The following ADGRL3 variants were observed in gnomAD, a reference collection of about 807,000 sequenced individuals.
ADGRL3 encodes adhesion G protein-coupled receptor L3, also known as calcium-independent alpha-latrotoxin receptor 3.
A neutral mutation model predicts 153.5 loss-of-function variants in ADGRL3; 62 were observed. The ratio of observed to expected loss-of-function variants is 0.40; its 90% CI spans 0.33 to 0.50. The LOEUF (loss-of-function observed/expected upper bound fraction) is 0.50, where lower values mean the gene tolerates loss of function less well. ADGRL3 is among the 20% of genes least tolerant of loss of function. The pLI, the probability that ADGRL3 is intolerant of heterozygous loss-of-function variation, is 0.47. For synonymous variants in ADGRL3, 710 were observed against 672.5 expected, an observed-to-expected ratio of 1.06 and a Z score of -0.86; for missense variants, 1,641 against 1,859.4, an observed-to-expected ratio of 0.88 and a Z score of 2.16.
chr4:61,350,667 A>G (rs1472787690), intron 1 of ADGRL3, among the ~76,000 whole-genome samples: 1 of 152,082 alleles, frequency 6.6e-6, no homozygotes, highest in Non-Finnish European at 1.5e-5. Context: ...CTTTAAAATT[A>G]TTATATCTAT....
At chr4:61,222,251 T>A (rs756668067) in intron 1 of ADGRL3, among the ~76,000 whole-genome samples, 6 of 152,138 alleles carry the variant, frequency 3.9e-5, no homozygotes, top group Non-Finnish European at 7.4e-5. Context: ...TACCTTTCTT[T>A]TAAATCTGTT....
intron 1 of ADGRL3, among the ~76,000 whole-genome samples, chr4:61,206,369 A>C (rs1441334779): frequency 6.6e-6 from 1 of 152,244 alleles, no homozygotes; most frequent in Non-Finnish European, 1.5e-5. Context: ...CAAAACTTCC[A>C]TGTCAGTTAC....
intron 2 of ADGRL3, among the ~76,000 whole-genome samples, chr4:61,436,516 A>T (rs2097447431): frequency 6.6e-6 from 1 of 152,170 alleles, no homozygotes; most frequent in Non-Finnish European, 1.5e-5. Flanking sequence ...TTGTTACAGA[A>T]ATGTGATAGT....
chr4:62,060,288 G>C (rs933850247), intron 25 of ADGRL3, among the ~76,000 whole-genome samples: 1 of 151,982 alleles, frequency 6.6e-6, no homozygotes, highest in Non-Finnish European at 1.5e-5. Flanking sequence ...CAAGGAAGAA[G>C]AGTGGCGTGC....
At chr4:61,547,793 T>A (rs1308158014) in intron 4 of ADGRL3, among the ~76,000 whole-genome samples, 1 of 152,046 alleles carries the variant, frequency 6.6e-6, no homozygotes, top group African/African-American at 2.4e-5. Flanking sequence ...GTGGGTCAAA[T>A]GATATTTCTT....
chr4:61,431,326 C>T (rs187864817), intron 2 of ADGRL3, among the ~76,000 whole-genome samples: 1 of 152,322 alleles, frequency 6.6e-6, no homozygotes, highest in African/African-American at 2.4e-5. Flanking sequence ...AGCAGCTGTC[C>T]TCCCCATGGC....
intron 18 of ADGRL3, among the ~76,000 whole-genome samples, chr4:61,982,107 G>T (rs1033626902): frequency 4.6e-5 from 7 of 152,098 alleles, no homozygotes; most frequent in African/African-American, 1.7e-4. Context: ...TTATTCTCTT[G>T]TTAGCTTGCA....
At chr4:61,744,691 C>T (rs922723058) in intron 8 of ADGRL3, among the ~76,000 whole-genome samples, 6 of 152,112 alleles carry the variant, frequency 3.9e-5, no homozygotes, top group Admixed American at 2.0e-4. Context: ...ACAGAAAGGA[C>T]ATCCACACCA....
At chr4:61,614,633 G>A (rs988639261) in intron 5 of ADGRL3, among the ~76,000 whole-genome samples, 11 of 152,058 alleles carry the variant, frequency 7.2e-5, no homozygotes, top group African/African-American at 2.7e-4. Flanking sequence ...TTCAAGGAAG[G>A]ACATATTGTA....
intron 1 of ADGRL3, among the ~76,000 whole-genome samples, chr4:61,314,210 T>TG (rs1477692924): frequency 4.8e-5 from 7 of 145,646 alleles, no homozygotes; most frequent in African/African-American, 1.9e-4. Flanking sequence ...ACTTTGAAGT[T>TG]TTTTTTTTTT....
chr4:61,603,131 T>A (rs1178420801), intron 5 of ADGRL3, among the ~76,000 whole-genome samples: 2 of 152,234 alleles, frequency 1.3e-5, no homozygotes, highest in Non-Finnish European at 2.9e-5. Flanking sequence ...TCTGTCAATA[T>A]TGTTGGAAAC....
intron 9 of ADGRL3, among the ~76,000 whole-genome samples, chr4:61,845,001 G>A (rs2098097485): frequency 6.6e-6 from 1 of 152,142 alleles, no homozygotes; most frequent in South Asian, 2.1e-4. Context: ...AAATAGAAGA[G>A]AAAGTGGGAA....
At chr4:61,484,203 T>C (rs1193255482) in intron 2 of ADGRL3, among the ~76,000 whole-genome samples, 1 of 152,154 alleles carries the variant, frequency 6.6e-6, no homozygotes, top group Non-Finnish European at 1.5e-5. Flanking sequence ...ATTTCTACAC[T>C]GATAAGGCTA....
At chr4:61,883,717 A>G (rs936575570) in intron 9 of ADGRL3, among the ~76,000 whole-genome samples, 2 of 152,158 alleles carry the variant, frequency 1.3e-5, no homozygotes, top group Admixed American at 1.3e-4. Context: ...ATGAGTTGGG[A>G]TGTGCCTAAC....
At chr4:61,647,008 C>T (rs577518606) in intron 5 of ADGRL3, among the ~76,000 whole-genome samples, 2 of 152,194 alleles carry the variant, frequency 1.3e-5, no homozygotes, top group South Asian at 4.1e-4. Flanking sequence ...GTAGGAAAAG[C>T]GCAGTCTTCG....
At chr4:61,905,729 T>C (rs2098692339) in intron 11 of ADGRL3, among the ~76,000 whole-genome samples, 1 of 151,932 alleles carries the variant, frequency 6.6e-6, no homozygotes, top group Admixed American at 6.6e-5. Flanking sequence ...ACCTAATCTC[T>C]ACTGAAAATG....
intron 8 of ADGRL3, among the ~76,000 whole-genome samples, chr4:61,767,009 T>C (rs1388675088): frequency 6.6e-6 from 1 of 152,034 alleles, no homozygotes; most frequent in Non-Finnish European, 1.5e-5. Flanking sequence ...GATAACAGGC[T>C]TTAATCTTTT....
At chr4:61,721,896 A>G (rs2096249614) in intron 6 of ADGRL3, among the ~76,000 whole-genome samples, 2 of 152,206 alleles carry the variant, frequency 1.3e-5, no homozygotes, top group Admixed American at 1.3e-4. Flanking sequence ...AGAAAGCCTG[A>G]AAAACAAATA....
intron 21 of ADGRL3, among the ~76,000 whole-genome samples, chr4:62,027,627 A>G (rs150757594): frequency 6.6e-6 from 1 of 152,000 alleles, no homozygotes; most frequent in African/African-American, 2.4e-5. Flanking sequence ...CTCAACATTT[A>G]TGTATTTGGG....
Sources: allele counts gnomAD v4.1 joint callset (sites outside exome capture counted in the v4.1 genomes callset), GRCh38; gene constraint gnomAD v4.1.1; transcripts MANE v1.5; gene names NCBI Gene and HGNC (gene_info 2026-07-23, HGNC 2026-07-21).